GNPAT: variants seen among roughly 807,000 people sequenced by gnomAD.
GNPAT encodes the protein glyceronephosphate O-acyltransferase.
GNPAT carries 30 observed loss-of-function variants against 78.4 expected under a neutral mutation model. The ratio of observed to expected loss-of-function variants is 0.38; its 90% CI spans 0.29 to 0.52. The LOEUF (loss-of-function observed/expected upper bound fraction) is 0.52, where lower values mean the gene tolerates loss of function less well. Among genes scored for constraint, GNPAT ranks in the 20% least tolerant of loss-of-function variants. GNPAT has a pLI of 0.84. For missense variants in GNPAT, 714 were observed against 812.2 expected, an observed-to-expected ratio of 0.88 and a Z score of 1.47; for synonymous variants, 271 against 281.1, an observed-to-expected ratio of 0.96 and a Z score of 0.36.
intron 2 of GNPAT, among the ~76,000 whole-genome samples, chr1:231,253,291 T>C (rs1005875980): frequency 1.3e-5 from 2 of 152,174 alleles, no homozygotes; most frequent in Non-Finnish European, 2.9e-5. Flanking sequence ...TTAGTAGAGA[T>C]GTCTTCAGTC....
At chr1:231,245,667 A>G (rs1378640987) in intron 1 of GNPAT, among the ~76,000 whole-genome samples, 4 of 152,218 alleles carry the variant, frequency 2.6e-5, no homozygotes, top group Non-Finnish European at 5.9e-5. Flanking sequence ...CTTAAAACAC[A>G]GCCATTATTA....
intron 1 of GNPAT, among the ~76,000 whole-genome samples, chr1:231,250,626 A>G (rs1302400122): frequency 6.6e-6 from 1 of 152,206 alleles, no homozygotes; most frequent in Non-Finnish European, 1.5e-5. Context: ...CAGGTTTGTC[A>G]GTGTGGCAGG....
intron 4 of GNPAT, among the ~76,000 whole-genome samples, chr1:231,264,379 A>C (rs1055001401): frequency 1.3e-5 from 2 of 152,244 alleles, no homozygotes; most frequent in Non-Finnish European, 2.9e-5. Flanking sequence ...TGTTATAAAC[A>C]ATGTCATAAT....
intron 12 of GNPAT, chr1:231,274,909 C>T: frequency 3.9e-5 from 12 of 304,364 alleles, no homozygotes; most frequent in South Asian, 1.3e-4. Flanking sequence ...AAAATCTGAC[C>T]CCTCTCTTCC....
Position 231,266,401 on chromosome 1 carries a change from T to G in GNPAT, c.1049T>G (p.Val350Gly). Reference protein sequence around the residue: ...GRMSRSSYNLVPRYIPQKQSE... With the variant: ...GRMSRSSYNLGPRYIPQKQSE... ...ATGAGTCGGAGCTCATATAACTTGG[T>G]TCCAAGGTGTGACCTGTGTTTTAAT... is the stretch of plus-strand genomic sequence containing the variant. Residue 350 changes from valine (V) to glycine (G), a missense_variant, in exon 8 of 16, where the codon GTT becomes GGT. Val to Gly is a moderately radical substitution (Grantham distance 109). Transcript: ENST00000366647. 1 of 1,613,912 alleles carries G rather than the reference T, an allele frequency of 6.2e-7. No homozygotes were observed. Among genetic ancestry groups the G allele is most frequent in the Non-Finnish European group, 8.5e-7 (1 of 1,179,760 alleles).
intron 1 of GNPAT, among the ~76,000 whole-genome samples, chr1:231,242,263 T>C (rs1232933913): frequency 6.6e-6 from 1 of 152,210 alleles, no homozygotes; most frequent in Non-Finnish European, 1.5e-5. Flanking sequence ...AGTTTTTAGC[T>C]ACTTTAGGAG....
At chr1:231,253,476 T>C (rs1684958085) in intron 2 of GNPAT, among the ~76,000 whole-genome samples, 1 of 152,250 alleles carries the variant, frequency 6.6e-6, no homozygotes, top group African/African-American at 2.4e-5. Flanking sequence ...CTTGCTTTTT[T>C]AACTTTTAAC....
chr1:231,270,381 C>T (rs1294929514), intron 9 of GNPAT, among the ~76,000 whole-genome samples: 19 of 152,044 alleles, frequency 1.2e-4, no homozygotes. Context: ...TCTTAGTATT[C>T]TTACATTCCC....
Position 231,250,968 on chromosome 1 carries a change from T to C in GNPAT, c.86T>C (p.Leu29Pro). 1.2e-6 allele frequency: 2 copies of C among 1,607,574 alleles called. No homozygotes were observed. The highest frequency in any genetic ancestry group is 1.7e-6 in the Non-Finnish European group (2 of 1,174,644). Residue 29 changes from leucine to proline, a missense_variant, in exon 2 of 16, where the codon CTC (leucine) becomes CCC (proline). Physicochemically the swap from Leu to Pro is moderately conservative, Grantham distance 98. Transcript: ENST00000366647. ...TTCTTGCCTTATCCACAGAAGGAGCTCAAAAAGTGGGATGAGTTTGAAGAT... is the reference window on the plus strand; with the variant it reads ...TTCTTGCCTTATCCACAGAAGGAGCCCAAAAAGTGGGATGAGTTTGAAGAT... ...SAVVLLYSKE[L>P]KKWDEFEDIL...
At chr1:231,276,302 T>C (rs1375659190) in intron 15 of GNPAT, 106 bp downstream of exon 15, 7 of 693,106 alleles carry the variant, frequency 1.0e-5, no homozygotes, top group Non-Finnish European at 1.6e-5. Flanking sequence ...CAGTAAGTAG[T>C]AGAGTTCTAA....
intron 1 of GNPAT, among the ~76,000 whole-genome samples, chr1:231,247,191 A>G (rs552415480): frequency 6.6e-6 from 1 of 152,204 alleles, no homozygotes; most frequent in African/African-American, 2.4e-5. Context: ...TGGATTCGAC[A>G]TCGGGTAAGG....
chr1:231,274,595 C>T (rs1264876600), intron 12 of GNPAT, among the ~76,000 whole-genome samples: 4 of 152,120 alleles, frequency 2.6e-5, no homozygotes, highest in African/African-American at 4.8e-5. Flanking sequence ...CAGGACTCAA[C>T]GGGAGAGAAA....
chr1:231,276,408 A>C lies in GNPAT; in HGVS notation c.1999+212A>C, dbSNP rs558592822. ...AACAAAACACAGCAGGCATAAAAGA[A>C]GCAGTCTTACACAGTAGAAAGAGTC... is the stretch of plus-strand genomic sequence containing the variant. On this transcript the variant is annotated intron_variant, in intron 15 of 15. Coordinates refer to ENST00000366647, the MANE Select transcript of GNPAT (RefSeq NM_014236.4). Among the ~76,000 whole-genome samples, 142 of 152,362 alleles carry C rather than the reference A, an allele frequency of 9.3e-4. 1 individual carries two copies. Among genetic ancestry groups the C allele is most frequent in the African/African-American group, 3.2e-3 (133 of 41,580 alleles).
chr1:231,255,918 C>T (rs1320193500), intron 2 of GNPAT, among the ~76,000 whole-genome samples: 2 of 152,136 alleles, frequency 1.3e-5, no homozygotes, highest in Non-Finnish European at 2.9e-5. Flanking sequence ...GCTCTTTCTC[C>T]TTTCTTTTCA....
At chr1:231,267,966 C>T in intron 9 of GNPAT, 63 bp downstream of exon 9, 1 of 1,025,634 alleles carries the variant, frequency 9.8e-7, no homozygotes, top group Non-Finnish European at 1.5e-6. Flanking sequence ...AAAACCTGGA[C>T]CTGAAAAATC....
chr1:231,275,040 C>T, intron 12 of GNPAT, 181 bp from the exon 13 acceptor site: 1 of 592,000 alleles, frequency 1.7e-6, no homozygotes, highest in African/African-American at 1.9e-5. Context: ...AATGTAAACT[C>T]AAAGGAGATG....
Position 231,275,411 on chromosome 1 carries a change from C to T in GNPAT, c.1850C>T (p.Ser617Phe). The T allele has an allele frequency of 6.2e-7, 1 of 1,607,944 alleles. No homozygotes were observed. Among genetic ancestry groups the T allele is most frequent in the Non-Finnish European group, 8.5e-7 (1 of 1,174,416 alleles). Residue 617 changes from serine (S) to phenylalanine (F), a missense_variant, in exon 14 of 16, where the codon TCT (serine) becomes TTT (phenylalanine). Ser to Phe is a radical substitution (Grantham distance 155). Coordinates refer to ENST00000366647, the MANE Select transcript of GNPAT (RefSeq NM_014236.4). Reference protein sequence around the residue: ...FTSQLLDQGTSQCYDVLSSDV... With the variant: ...FTSQLLDQGTFQCYDVLSSDV... ...TCCTCACCCCCAATTTTAGGTACCT[C>T]TCAATGTTATGATGTATTATCTTCT...
intron 2 of GNPAT, among the ~76,000 whole-genome samples, chr1:231,255,371 GT>G (rs1166161481): frequency 6.6e-6 from 1 of 151,938 alleles, no homozygotes; most frequent in African/African-American, 2.4e-5. Flanking sequence ...GCCTTCTCTA[GT>G]TACTATCTCT....
intron 2 of GNPAT, among the ~76,000 whole-genome samples, chr1:231,256,118 T>C (rs899303600): frequency 1.3e-5 from 2 of 152,208 alleles, no homozygotes; most frequent in Non-Finnish European, 2.9e-5. Flanking sequence ...TTCCTTATGC[T>C]GACATCTCCC....
Sources: gnomAD v4.1 joint callset for allele counts (sites outside exome capture counted in the v4.1 genomes callset) on GRCh38, gnomAD v4.1.1 for gene constraint, MANE v1.5 for transcripts, NCBI Gene and HGNC (gene_info 2026-07-23, HGNC 2026-07-21) for gene names.